The following BRD1 variants were observed in gnomAD, a reference collection of about 807,000 sequenced individuals.
The protein encoded by BRD1 is bromodomain containing 1, also known as bromodomain-containing protein 1.
BRD1 carries 24 observed loss-of-function variants against 107.7 expected under a neutral mutation model. The observed-to-expected ratio is 0.22, with a 90% CI of 0.16 to 0.31. The LOEUF (loss-of-function observed/expected upper bound fraction) is 0.31, where lower values mean the gene tolerates loss of function less well. BRD1 is among the 10% of genes least tolerant of loss of function. The pLI is 1.00. For missense variants in BRD1, 1,279 were observed against 1,638.6 expected (o/e 0.78, Z 3.79); for synonymous variants, 744 against 686.1 (o/e 1.08, Z -1.32).
At chr22:49,794,762 G>A (rs1417306727) in intron 6 of BRD1, among the ~76,000 whole-genome samples, 1 of 152,278 alleles carries the variant, frequency 6.6e-6, no homozygotes, top group Non-Finnish European at 1.5e-5. Flanking sequence ...CACGTCCTAA[G>A]TGGTGTCTTA....
rs570959880 is a variant in BRD1, at chr22:49,787,295, G to A, written c.2857+95C>T. 126 of 1,230,984 alleles carry A rather than the reference G, an allele frequency of 1.0e-4. 1 individual carries two copies. Among genetic ancestry groups the A allele is most frequent in the Non-Finnish European group, 1.2e-4 (114 of 925,566 alleles). 76.3% of individuals were successfully genotyped at this position (1,230,984 alleles called of 1,614,324 possible). On this transcript the variant is annotated intron_variant, in intron 8 of 12. Coordinates refer to ENST00000404760, the MANE Select transcript of BRD1 (RefSeq NM_001304808.3). ...AGAGAATGCTGCAAAAACAGAAGCT[G>A]GACACCCCCCCCCCCCCGTCACACC...
chr22:49,777,640 G>A, intron 9 of BRD1, 38 bp downstream of exon 9: 1 of 1,589,388 alleles, frequency 6.3e-7, no homozygotes, highest in Non-Finnish European at 8.5e-7. Flanking sequence ...GCGGTGCTGG[G>A]AGCTGCGTGG....
chr22:49,778,231 G>A (rs138967917), intron 8 of BRD1, among the ~76,000 whole-genome samples: 10 of 152,342 alleles, frequency 6.6e-5, no homozygotes, highest in African/African-American at 1.4e-4. Flanking sequence ...TCACCAGGCC[G>A]AAGGGGCCAC....
chr22:49,789,213 G>A (rs962589472), intron 7 of BRD1, among the ~76,000 whole-genome samples: 3 of 152,196 alleles, frequency 2.0e-5, no homozygotes, highest in African/African-American at 7.2e-5. Context: ...CCCAAGGCAG[G>A]GGCACATGCG....
intron 4 of BRD1, 96 bp downstream of exon 4, chr22:49,798,892 C>A (rs2059587000): frequency 6.7e-7 from 1 of 1,493,908 alleles, no homozygotes; most frequent in African/African-American, 1.4e-5. Flanking sequence ...GGGCCAGGAC[C>A]CACCGGGTGC....
intron 2 of BRD1, among the ~76,000 whole-genome samples, chr22:49,808,424 A>G (rs909867297): frequency 6.6e-6 from 1 of 152,262 alleles, no homozygotes; most frequent in Admixed American, 6.5e-5. Context: ...CAGACACAAA[A>G]AGACAAATAC....
chr22:49,823,896 T>C lies in BRD1; in HGVS notation c.422A>G (p.Lys141Arg), dbSNP rs140333717. ...SAPRRPPVYY[K>R]FIEKSAEELD... ...TTCCTCGGCCGACTTCTCGATGAAC[T>C]TGTAGTACACAGGAGGCCTCCTGGG... Residue 141 changes from lysine to arginine, a missense_variant, in exon 2 of 13, where the codon AAG becomes AGG. Around this residue, in one of 7 missense-constraint regions of BRD1, gnomAD observed 223 missense variants for 263.5 expected, o/e 0.85. Coordinates refer to ENST00000404760, the MANE Select transcript of BRD1 (RefSeq NM_001304808.3). The C allele has an allele frequency of 1.0e-4, 165 of 1,614,102 alleles. No individual in the cohort carries two copies. Among genetic ancestry groups the C allele is most frequent in the Non-Finnish European group, 1.3e-4 (149 of 1,180,050 alleles).
At chr22:49,800,510 C>T (rs1320501808) in intron 3 of BRD1, among the ~76,000 whole-genome samples, 1 of 152,158 alleles carries the variant, frequency 6.6e-6, no homozygotes, top group Non-Finnish European at 1.5e-5. Flanking sequence ...CTGAAAACCT[C>T]GGCCAAAAGG....
At chr22:49,818,960 T>C (rs2060009700) in intron 2 of BRD1, among the ~76,000 whole-genome samples, 1 of 151,152 alleles carries the variant, frequency 6.6e-6, no homozygotes, top group African/African-American at 2.4e-5. Context: ...AGAGAGGAAG[T>C]GAAAAGAAAA....
At chr22:49,775,968 C>G (rs1052498441) in intron 11 of BRD1, 82 bp downstream of exon 11, 2 of 1,155,594 alleles carry the variant, frequency 1.7e-6, no homozygotes, top group African/African-American at 5.6e-5. Context: ...GGACCACCGC[C>G]GTGAGCCTCC....
intron 7 of BRD1, among the ~76,000 whole-genome samples, chr22:49,788,088 C>T (rs2059364386): frequency 6.6e-6 from 1 of 152,170 alleles, no homozygotes; most frequent in Non-Finnish European, 1.5e-5. Context: ...AGGCTGCGGC[C>T]CTGGGTGCAG....
chr22:49,824,780 C>T lies in BRD1; in HGVS notation c.-14-449G>A. On this transcript the variant is annotated intron_variant, in intron 1 of 12. Coordinates refer to ENST00000404760, the MANE Select transcript of BRD1 (RefSeq NM_001304808.3). The surrounding 1 kb of genome is among the most constrained non-coding windows in gnomAD (Gnocchi z 5.9). ...GCTATGCCCACCAGACAGGCATGCT[C>T]AGTGGCTACCTGGTCCTATCGGATG... 1 of 1,020,424 alleles carries T rather than the reference C, an allele frequency of 9.8e-7. No individual in the cohort carries two copies. Among genetic ancestry groups the T allele is most frequent in the Non-Finnish European group, 1.2e-6 (1 of 849,534 alleles). 63.2% of individuals were successfully genotyped at this position (1,020,424 alleles called of 1,614,324 possible).
chr22:49,774,538 A>G, intron 12 of BRD1, 122 bp from the exon 13 acceptor site: 1 of 1,091,496 alleles, frequency 9.2e-7, no homozygotes, highest in Non-Finnish European at 1.3e-6. Context: ...CAGCACCACC[A>G]AGACAGCTGG....
At position 49,794,196 on chromosome 22, in the gene BRD1, A is replaced by G. The variant is rs753324435; in HGVS notation, c.2197T>C (p.Ser733Pro). The change falls in exon 7 of 13, where the codon TCC becomes CCC. Residue 733 changes from serine to proline, a missense_variant. By Grantham distance (74) the Ser-to-Pro change is moderately conservative (BLOSUM62 -1). Around this residue, in one of 7 missense-constraint regions of BRD1, gnomAD observed 406 missense variants for 519.4 expected, o/e 0.78. Transcript: ENST00000404760. ...DMLDLTCAMK[S>P]SGSRSKRAKL... is the part of the protein sequence containing the mutation. ...GCCCGCTTGCTCCGGGAGCCGCTGG[A>G]CTTCATAGCGCAGGTGAGGTCGAGC... 6.2e-7 allele frequency: 1 copy of G among 1,614,178 alleles called. No individual in the cohort carries two copies.
intron 7 of BRD1, among the ~76,000 whole-genome samples, chr22:49,790,304 G>T (rs186368634): frequency 6.6e-6 from 1 of 152,178 alleles, no homozygotes; most frequent in African/African-American, 2.4e-5. Context: ...CCCGTCCCTC[G>T]AGTGGAAATG....
Position 49,794,214 on chromosome 22 carries a change from G to A in BRD1, c.2179C>T (p.Leu727Phe). ...CCGCTGGACTTCATAGCGCAGGTGA[G>A]GTCGAGCATGTCCAGCAGCTCTCTC... ...QLRELLDMLD[L>F]TCAMKSSGSR... Residue 727 changes from leucine to phenylalanine, a missense_variant, in exon 7 of 13, where the codon CTC becomes TTC. Leu to Phe is a conservative substitution (Grantham distance 22). Around this residue, in one of 7 missense-constraint regions of BRD1, gnomAD observed 406 missense variants for 519.4 expected, o/e 0.78. Transcript: ENST00000404760. The A allele has an allele frequency of 1.2e-6, 2 of 1,614,196 alleles. No individual in the cohort carries two copies. Among genetic ancestry groups the A allele is most frequent in the Non-Finnish European group, 1.7e-6 (2 of 1,180,042 alleles).
intron 3 of BRD1, among the ~76,000 whole-genome samples, chr22:49,800,951 TG>T (rs1026205460): frequency 2.1e-4 from 32 of 152,162 alleles, no homozygotes; most frequent in African/African-American, 6.5e-4. Flanking sequence ...GGCCAGCTCC[TG>T]GGGTGAGGGC....
At chr22:49,806,184 AAAAGAAAG>A (rs1242717964) in intron 2 of BRD1, 1 of 152,218 alleles carries the variant, frequency 6.6e-6, no homozygotes, top group Non-Finnish European at 1.5e-5. Flanking sequence ...TATCTCTTAA[AAAAGAAAG>A]AAAGAAAGAT....
intron 8 of BRD1, among the ~76,000 whole-genome samples, chr22:49,782,199 A>C (rs553949739): frequency 9.5e-4 from 137 of 144,434 alleles, no homozygotes; most frequent in South Asian, 2.7e-3. Context: ...GGTCAGAGAC[A>C]GACCCAAGGC....
Sources: gnomAD v4.1 joint callset for allele counts (sites outside exome capture counted in the v4.1 genomes callset) on GRCh38, gnomAD v4.1.1 for gene constraint, gnomAD v4.1.1 regional missense constraint, Gnocchi (gnomAD v3.1) non-coding constraint, MANE v1.5 for transcripts, NCBI Gene and HGNC (gene_info 2026-07-23, HGNC 2026-07-21) for gene names.